The following ANXA4 variants were observed in gnomAD, a reference collection of about 807,000 sequenced individuals.
ANXA4 encodes the protein 35-beta calcimedin.
ANXA4 carries 39 observed loss-of-function variants against 49.8 expected under a neutral mutation model. That is an observed-to-expected ratio of 0.78 (90% CI 0.61 to 1.02). The LOEUF is 1.02. Among genes scored for constraint, ANXA4 ranks in the 50% least tolerant of loss-of-function variants. The pLI is 0.00. For missense variants in ANXA4, 360 were observed against 410.1 expected, an observed-to-expected ratio of 0.88 and a Z score of 1.05; for synonymous variants, 134 against 152.5, an observed-to-expected ratio of 0.88 and a Z score of 0.89.
chr2:69,779,229 G>A (rs1044979216), intron 1 of ANXA4, among the ~76,000 whole-genome samples: 2 of 149,064 alleles, frequency 1.3e-5, no homozygotes, highest in African/African-American at 2.5e-5. Flanking sequence ...AATTATGTTT[G>A]TAAAAGCTAT....
chr2:69,729,173 A>G (rs537046682), intron 3 of ANXA4, among the ~76,000 whole-genome samples: 2 of 152,220 alleles, frequency 1.3e-5, no homozygotes, highest in African/African-American at 4.8e-5. Context: ...GCTACCATGC[A>G]CAGCTAATTT....
intron 1 of ANXA4, among the ~76,000 whole-genome samples, chr2:69,770,869 G>A (rs970328460): frequency 5.9e-5 from 9 of 151,684 alleles, no homozygotes; most frequent in East Asian, 1.9e-4. Flanking sequence ...GCAGACGATC[G>A]CTTGAGCCTA....
intron 2 of ANXA4, among the ~76,000 whole-genome samples, chr2:69,659,240 A>G (rs116700659): frequency 0.011 from 1,659 of 152,342 alleles, 29 homozygotes; most frequent in African/African-American, 0.038. Flanking sequence ...GCATCTAGAA[A>G]CATTAGTAAA....
At chr2:69,718,834 A>G (rs1669735140) in intron 2 of ANXA4, among the ~76,000 whole-genome samples, 1 of 151,218 alleles carries the variant, frequency 6.6e-6, no homozygotes, top group South Asian at 2.1e-4. Flanking sequence ...GCACACACAT[A>G]TACATGCACA....
At chr2:69,760,826 A>G (rs1417239044) in intron 1 of ANXA4, among the ~76,000 whole-genome samples, 1 of 152,154 alleles carries the variant, frequency 6.6e-6, no homozygotes, top group Non-Finnish European at 1.5e-5. Flanking sequence ...TATAACAATT[A>G]TTATCAAATA....
intron 2 of ANXA4, among the ~76,000 whole-genome samples, chr2:69,683,570 G>A (rs192856864): frequency 6.7e-4 from 102 of 152,184 alleles, no homozygotes; most frequent in African/African-American, 2.4e-3. Context: ...AACGATATGC[G>A]CTGTCTTCTT....
chr2:69,750,694 A>G (rs1038166610), intron 1 of ANXA4, among the ~76,000 whole-genome samples: 1 of 152,228 alleles, frequency 6.6e-6, no homozygotes, highest in Non-Finnish European at 1.5e-5. Context: ...GATGACAAGC[A>G]TGAGCCATGG....
chr2:69,718,008 G>T (rs952039890), intron 2 of ANXA4, among the ~76,000 whole-genome samples: 4 of 152,208 alleles, frequency 2.6e-5, no homozygotes, highest in African/African-American at 9.6e-5. Context: ...TGTATGTCTA[G>T]CTAGGTCAGG....
At chr2:69,657,406 A>G (rs1317687779) in intron 2 of ANXA4, among the ~76,000 whole-genome samples, 1 of 152,148 alleles carries the variant, frequency 6.6e-6, no homozygotes, top group African/African-American at 2.4e-5. Flanking sequence ...CATCTTATAA[A>G]TACTGATATT....
intron 1 of ANXA4, among the ~76,000 whole-genome samples, chr2:69,780,735 C>T (rs1672161747): frequency 6.6e-6 from 1 of 151,918 alleles, no homozygotes; most frequent in Non-Finnish European, 1.5e-5. Flanking sequence ...GAGGGAGACC[C>T]TGACTCAAAA....
At chr2:69,791,693 T>G (rs1323442490) in intron 3 of ANXA4, among the ~76,000 whole-genome samples, 1 of 152,242 alleles carries the variant, frequency 6.6e-6, no homozygotes, top group Non-Finnish European at 1.5e-5. Context: ...ATTTTAGCCT[T>G]TTATGAGTCC....
chr2:69,786,426 C>G (rs1229738008), intron 2 of ANXA4, among the ~76,000 whole-genome samples: 1 of 152,042 alleles, frequency 6.6e-6, no homozygotes, highest in Non-Finnish European at 1.5e-5. Flanking sequence ...CTACAGCAGC[C>G]CAGGGGGATC....
At chr2:69,706,968 T>C (rs1244655302) in intron 2 of ANXA4, among the ~76,000 whole-genome samples, 2 of 152,228 alleles carry the variant, frequency 1.3e-5, no homozygotes, top group Non-Finnish European at 2.9e-5. Context: ...TATTCTGGTG[T>C]TGGAAAACCC....
At chr2:69,708,135 A>AAAT (rs1245271163) in intron 2 of ANXA4, among the ~76,000 whole-genome samples, 1 of 152,246 alleles carries the variant, frequency 6.6e-6, no homozygotes, top group African/African-American at 2.4e-5. Context: ...ATTTTGCTTT[A>AAAT]AATAAATACT....
intron 2 of ANXA4, among the ~76,000 whole-genome samples, chr2:69,784,015 T>C (rs1011701850): frequency 6.6e-6 from 1 of 152,220 alleles, no homozygotes; most frequent in African/African-American, 2.4e-5. Flanking sequence ...GGCATGTATC[T>C]TCTTCATTAT....
chr2:69,681,563 C>T (rs575081404), intron 2 of ANXA4, among the ~76,000 whole-genome samples: 2 of 152,040 alleles, frequency 1.3e-5, no homozygotes, highest in African/African-American at 4.8e-5. Flanking sequence ...TGGGGTTTCA[C>T]CATGTTGGTC....
chr2:69,784,974 TG>T (rs1672354150), intron 2 of ANXA4, among the ~76,000 whole-genome samples: 1 of 152,166 alleles, frequency 6.6e-6, no homozygotes, highest in Non-Finnish European at 1.5e-5. Context: ...TAATCTGCAG[TG>T]GCCCTATTTC....
chr2:69,823,117 G>T (rs1210281626), intron 12 of ANXA4, among the ~76,000 whole-genome samples: 1 of 149,772 alleles, frequency 6.7e-6, no homozygotes. Context: ...AATCAATAGG[G>T]AATAACAAAT....
chr2:69,701,077 G>A (rs1408342937), intron 2 of ANXA4, among the ~76,000 whole-genome samples: 1 of 152,114 alleles, frequency 6.6e-6, no homozygotes, highest in East Asian at 1.9e-4. Context: ...GTTTCACCAT[G>A]TTGGCCAGGC....
Sources: allele counts gnomAD v4.1 joint callset (sites outside exome capture counted in the v4.1 genomes callset), GRCh38; gene constraint gnomAD v4.1.1; transcripts MANE v1.5; gene names NCBI Gene and HGNC (gene_info 2026-07-23, HGNC 2026-07-21).